Variants in RCAN2 observed in about 807,000 individuals in gnomAD.
RCAN2 encodes the protein calcipressin-2.
RCAN2 carries 9 observed loss-of-function variants against 23.6 expected under a neutral mutation model. That is an observed-to-expected ratio of 0.38 (90% CI 0.23 to 0.67). The LOEUF (loss-of-function observed/expected upper bound fraction) is 0.67. RCAN2 is among the 30% of genes least tolerant of loss of function. The pLI, the probability that RCAN2 is intolerant of heterozygous loss-of-function variation, is 0.51. For missense variants in RCAN2, 273 were observed against 302.3 expected, an observed-to-expected ratio of 0.90 and a Z score of 0.72; for synonymous variants, 109 against 115.7, an observed-to-expected ratio of 0.94 and a Z score of 0.37.
intron 2 of RCAN2, among the ~76,000 whole-genome samples, chr6:46,272,929 T>A (rs1342817119): frequency 6.6e-6 from 1 of 152,230 alleles, no homozygotes; most frequent in Non-Finnish European, 1.5e-5. Context: ...AGTTCCATGT[T>A]CACCGTATCT....
intron 2 of RCAN2, among the ~76,000 whole-genome samples, chr6:46,416,652 C>G (rs1187986786): frequency 6.6e-6 from 1 of 151,718 alleles, no homozygotes; most frequent in Non-Finnish European, 1.5e-5. Context: ...GTGGCTAGGA[C>G]TTGGGACTAC....
intron 2 of RCAN2, among the ~76,000 whole-genome samples, chr6:46,400,360 C>A (rs1338106176): frequency 6.6e-6 from 1 of 152,168 alleles, no homozygotes; most frequent in Non-Finnish European, 1.5e-5. Context: ...ATACTGGGAA[C>A]TAAACTGTTC....
At chr6:46,362,728 C>T (rs1033324051) in intron 2 of RCAN2, among the ~76,000 whole-genome samples, 2 of 152,096 alleles carry the variant, frequency 1.3e-5, no homozygotes, top group African/African-American at 4.8e-5. Flanking sequence ...TCTTAATGAT[C>T]ACAGAGAGAA....
chr6:46,333,523 C>T (rs750531014), intron 2 of RCAN2, among the ~76,000 whole-genome samples: 2 of 152,204 alleles, frequency 1.3e-5, no homozygotes, highest in African/African-American at 4.8e-5. Context: ...CTTTGGGACA[C>T]ATTTTAGAGT....
At chr6:46,416,825 A>T (rs1028254857) in intron 2 of RCAN2, among the ~76,000 whole-genome samples, 1 of 152,024 alleles carries the variant, frequency 6.6e-6, no homozygotes, top group African/African-American at 2.4e-5. Flanking sequence ...TCCTGCTCTG[A>T]TTTTCTACCA....
chr6:46,370,406 C>T (rs1056514409), intron 2 of RCAN2, among the ~76,000 whole-genome samples: 2 of 152,082 alleles, frequency 1.3e-5, no homozygotes, highest in Admixed American at 6.5e-5. Flanking sequence ...AGGAAGCTGC[C>T]CCTATGGAAT....
At chr6:46,336,857 G>A (rs1334939492) in intron 2 of RCAN2, among the ~76,000 whole-genome samples, 2 of 151,680 alleles carry the variant, frequency 1.3e-5, no homozygotes, top group Admixed American at 6.6e-5. Flanking sequence ...GAAACACCAC[G>A]GAGATAAAGT....
chr6:46,449,338 T>C (rs4711851), intron 2 of RCAN2, among the ~76,000 whole-genome samples: 76,379 of 151,144 alleles, frequency 0.51, 19,765 homozygotes, highest in East Asian at 0.61. Context: ...ACACAATAAA[T>C]GAAAAGATAT....
chr6:46,485,155 T>C (rs1768963840), intron 1 of RCAN2, among the ~76,000 whole-genome samples: 1 of 152,230 alleles, frequency 6.6e-6, no homozygotes, highest in African/African-American at 2.4e-5. Context: ...ATCAAGGTAG[T>C]ATATATGATA....
At chr6:46,477,336 T>C (rs1332031882) in intron 1 of RCAN2, among the ~76,000 whole-genome samples, 4 of 152,150 alleles carry the variant, frequency 2.6e-5, no homozygotes, top group Non-Finnish European at 5.9e-5. Flanking sequence ...AAGGCTCAAT[T>C]TATAAAAATG....
chr6:46,260,287 T>A (rs900278801), intron 2 of RCAN2, among the ~76,000 whole-genome samples: 1 of 152,160 alleles, frequency 6.6e-6, no homozygotes, highest in African/African-American at 2.4e-5. Context: ...AATATATTTC[T>A]TATTATATTC....
rs139656803 is a variant in RCAN2 at position 46,225,737 on chromosome 6, C to T, written c.572-2436G>A. The stretch of plus-strand genomic sequence containing the variant: ...AAATTTTCTCCCAATCTGTAGGTTG[C>T]CTGCTCACTCTGATGGTAGTTTCTT... On this transcript the variant is annotated intron_variant, in intron 4 of 4. Transcript: ENST00000371374. Among the ~76,000 whole-genome samples, 833 of 152,232 alleles carry T rather than the reference C, an allele frequency of 5.5e-3. 6 individuals are homozygous for T. The highest frequency in any genetic ancestry group is 0.018 in the African/African-American group (748 of 41,548).
At chr6:46,286,163 A>G (rs1582066241) in intron 2 of RCAN2, among the ~76,000 whole-genome samples, 1 of 152,360 alleles carries the variant, frequency 6.6e-6, no homozygotes, top group East Asian at 1.9e-4. Context: ...TAAACAGACT[A>G]TAAACTCCAG....
chr6:46,225,313 G>A (rs1056104849), intron 4 of RCAN2, among the ~76,000 whole-genome samples: 2 of 152,190 alleles, frequency 1.3e-5, no homozygotes, highest in Non-Finnish European at 2.9e-5. Flanking sequence ...TGGGATGGCT[G>A]GGTCAAATGG....
chr6:46,226,502 T>A (rs1765670289), intron 4 of RCAN2, among the ~76,000 whole-genome samples: 2 of 152,214 alleles, frequency 1.3e-5, no homozygotes, highest in Admixed American at 1.3e-4. Context: ...GTCCTTCACA[T>A]CCCTTCTAAG....
rs9395169 is a variant in RCAN2, at chr6:46,264,414, A to G, written c.226-15518T>C. ...AAGATGCAGATATAAGGAACTTCTT[A>G]TGATTCAATCATTAAATTTAGAAAG... is the stretch of plus-strand genomic sequence containing the variant. On this transcript the variant is annotated intron_variant, in intron 2 of 4. Coordinates refer to ENST00000371374, the MANE Select transcript of RCAN2 (RefSeq NM_001251974.2). Among the ~76,000 whole-genome samples the G allele has an allele frequency of 1.5e-3, 231 of 152,338 alleles. 4 individuals are homozygous for G. The East Asian group carries it at 0.041, about 27-fold the overall frequency.
intron 2 of RCAN2, among the ~76,000 whole-genome samples, chr6:46,277,727 G>A (rs939093681): frequency 3.3e-5 from 5 of 152,014 alleles, no homozygotes; most frequent in Admixed American, 6.6e-5. Context: ...GGGGCAGGGT[G>A]TGGGTGGTCA....
Position 46,246,806 on chromosome 6 carries a change from G to A in RCAN2, c.513C>T (p.Asn171=), listed in dbSNP as rs202003585. ...CATAGTTGAGGACTGGCGTGGCATC[G>A]TTGATGGGCTGCCAGCCAACAGGTG... The part of the protein sequence containing the change: ...SSPPVGWQPI[N]DATPVLNYDL... Residue 171 remains asparagine, a synonymous_variant, in exon 4 of 5, where the codon AAC becomes AAT. Transcript: ENST00000371374. 9.6e-5 allele frequency: 155 copies of A among 1,613,606 alleles called. No individual in the cohort carries two copies. The South Asian group carries it at 1.4e-3, about 14-fold the overall frequency.
intron 2 of RCAN2, among the ~76,000 whole-genome samples, chr6:46,417,852 A>G (rs1431917856): frequency 6.6e-6 from 1 of 152,236 alleles, no homozygotes. Context: ...TAATTTACAC[A>G]CACAATTAAT....
Sources: gnomAD v4.1 joint callset for allele counts (sites outside exome capture counted in the v4.1 genomes callset) on GRCh38, gnomAD v4.1.1 for gene constraint, MANE v1.5 for transcripts, NCBI Gene and HGNC (gene_info 2026-07-23, HGNC 2026-07-21) for gene names.